Variants in DCUN1D1 observed in about 807,000 individuals in gnomAD.
DCUN1D1 encodes the protein DCN1-like protein 1.
DCUN1D1 carries 3 observed loss-of-function variants against 39.0 expected under a neutral mutation model. That is an observed-to-expected ratio of 0.08 (90% confidence interval 0.04 to 0.20). The LOEUF is 0.20. DCUN1D1 is among the 10% of genes least tolerant of loss of function. The probability of loss-of-function intolerance (pLI) is 1.00; values close to 1 mark genes in which losing one functional copy is unlikely to be tolerated. For missense variants in DCUN1D1, 158 were observed against 302.4 expected, an observed-to-expected ratio of 0.52 and a Z score of 3.54; for synonymous variants, 82 against 96.3, an observed-to-expected ratio of 0.85 and a Z score of 0.87.
intron 3 of DCUN1D1, among the ~76,000 whole-genome samples, chr3:182,963,226 A>C (rs1256955935): frequency 6.6e-6 from 1 of 152,202 alleles, no homozygotes; most frequent in African/African-American, 2.4e-5. Context: ...AACTATTCTC[A>C]AAAAGTTGCT....
chr3:182,980,419 CG>C, intron 1 of DCUN1D1, 67 bp downstream of exon 1: 1 of 1,011,620 alleles, frequency 9.9e-7, no homozygotes, highest in Non-Finnish European at 1.2e-6. Flanking sequence ...GGAGGGCGGC[CG>C]GGGCGGGGGT....
intron 1 of DCUN1D1, among the ~76,000 whole-genome samples, chr3:182,968,758 C>A (rs572565817): frequency 3.3e-5 from 5 of 152,216 alleles, no homozygotes; most frequent in Admixed American, 3.3e-4. Flanking sequence ...CACTGCTGCG[C>A]CCAGCTGATT....
chr3:182,984,825 A>C (rs150130192), upstream of DCUN1D1, among the ~76,000 whole-genome samples: 24 of 152,348 alleles, frequency 1.6e-4, no homozygotes, highest in East Asian at 4.2e-3. Flanking sequence ...AAAGAGCAGA[A>C]GTAATCTGAA....
Position 182,958,230 on chromosome 3 carries a change from CA to C in DCUN1D1, c.520+2995del, listed in dbSNP as rs938404288. On this transcript the variant is annotated intron_variant, in intron 4 of 6. Transcript: ENST00000292782. ...TACCTAACACCAAAGCAAAACAAAC[CA>C]AAAAAAAAAACTATGATTTGTCTCT... Among the ~76,000 whole-genome samples, 87 of 140,990 alleles carry C rather than the reference CA, an allele frequency of 6.2e-4. No homozygotes were observed. The East Asian group carries it at 0.012, about 20-fold the overall frequency. The allele number at this position is 140,990 out of a possible 152,430, so 92.5% of individuals were successfully genotyped here.
intron 4 of DCUN1D1, among the ~76,000 whole-genome samples, chr3:182,947,968 C>T (rs1286169093): frequency 6.6e-6 from 1 of 152,222 alleles, no homozygotes; most frequent in African/African-American, 2.4e-5. Flanking sequence ...AACCTGGGCA[C>T]TTCCAACATT....
At chr3:182,975,468 G>A (rs1292055261) in intron 1 of DCUN1D1, among the ~76,000 whole-genome samples, 10 of 151,708 alleles carry the variant, frequency 6.6e-5, no homozygotes, top group East Asian at 3.9e-4. Context: ...GAGCCACCGC[G>A]CCCAGCCAAA....
chr3:182,952,388 TTTTCATGTTATA>T (rs1385058684), intron 4 of DCUN1D1, among the ~76,000 whole-genome samples: 1 of 152,142 alleles, frequency 6.6e-6, no homozygotes, highest in Admixed American at 6.5e-5. Flanking sequence ...CCTATATCAT[TTTTCATGTTATA>T]CATTCAACCG....
chr3:182,949,724 AACAAC>A (rs939687404), intron 4 of DCUN1D1, among the ~76,000 whole-genome samples: 1 of 152,140 alleles, frequency 6.6e-6, no homozygotes, highest in African/African-American at 2.4e-5. Context: ...CTTAAAAACA[AACAAC>A]ACAACAACAT....
chr3:182,959,899 T>C (rs1286848255), intron 4 of DCUN1D1, among the ~76,000 whole-genome samples: 1 of 152,166 alleles, frequency 6.6e-6, no homozygotes, highest in African/African-American at 2.4e-5. Context: ...AATGGATTAG[T>C]TCCTGGAGTG....
intron 1 of DCUN1D1, among the ~76,000 whole-genome samples, chr3:182,975,930 T>C (rs577556894): frequency 9.0e-4 from 136 of 150,730 alleles, no homozygotes; most frequent in African/African-American, 3.2e-3. Context: ...CAATTGTAAA[T>C]TGTCTGACTA....
intron 4 of DCUN1D1, among the ~76,000 whole-genome samples, chr3:182,953,105 GCTT>G (rs1434483251): frequency 1.3e-5 from 2 of 152,102 alleles, no homozygotes; most frequent in Non-Finnish European, 2.9e-5. Context: ...ACCTGAAATG[GCTT>G]CTTTTTTCCT....
chr3:182,978,706 CACG>C (rs1282508365), intron 1 of DCUN1D1, among the ~76,000 whole-genome samples: 38 of 152,208 alleles, frequency 2.5e-4, no homozygotes, highest in Admixed American at 6.5e-5. Flanking sequence ...CAGAGAATAT[CACG>C]ACAATTCTCA....
intron 3 of DCUN1D1, among the ~76,000 whole-genome samples, 179 bp downstream of exon 3, chr3:182,963,702 T>C (rs957825986): frequency 6.6e-6 from 1 of 152,222 alleles, no homozygotes; most frequent in African/African-American, 2.4e-5. Flanking sequence ...CTGTACTAAC[T>C]ATATAAATAA....
intron 4 of DCUN1D1, among the ~76,000 whole-genome samples, chr3:182,949,700 G>A (rs937941629): frequency 1.3e-5 from 2 of 152,162 alleles, no homozygotes; most frequent in African/African-American, 4.8e-5. Context: ...CAGCCTGGGT[G>A]ACAGGTGACA....
At chr3:182,971,894 T>C (rs371996161) in intron 1 of DCUN1D1, among the ~76,000 whole-genome samples, 8 of 152,272 alleles carry the variant, frequency 5.3e-5, no homozygotes, top group African/African-American at 1.9e-4. Context: ...CCACTGACTG[T>C]TGAAGGGAGG....
At chr3:182,951,623 A>ACC (rs1165017844) in intron 4 of DCUN1D1, among the ~76,000 whole-genome samples, 9 of 132,576 alleles carry the variant, frequency 6.8e-5, no homozygotes, top group African/African-American at 3.3e-4. Context: ...CTCCCAAAAA[A>ACC]AAAAAAAAAA....
intron 4 of DCUN1D1, among the ~76,000 whole-genome samples, chr3:182,954,991 ATCTTTTGTG>A (rs1726957051): frequency 6.6e-6 from 1 of 150,558 alleles, no homozygotes; most frequent in Non-Finnish European, 1.5e-5. Context: ...ATTTCACAGT[ATCTTTTGTG>A]AAATAGTCAG....
rs1374887947 is a variant in DCUN1D1, at chr3:182,963,815, A to G, written c.389+66T>C. On this transcript the variant is annotated intron_variant, in intron 3 of 6. Transcript: ENST00000292782. ...CAGCAAATCTTTAAATTTACACTAA[A>G]AAGTTCATGACATAATTCAGTTCCA... is the stretch of plus-strand genomic sequence containing the variant. 3.0e-6 allele frequency: 4 copies of G among 1,354,782 alleles called. No homozygotes were observed. In the East Asian group the frequency reaches 6.9e-5, roughly 24 times the overall value. 83.9% of individuals were successfully genotyped at this position (1,354,782 alleles called of 1,614,324 possible). A position where few individuals can be genotyped will look rare whatever the true frequency, so the allele number is the denominator to read the frequency against.
At chr3:182,974,754 A>T (rs1728126484) in intron 1 of DCUN1D1, among the ~76,000 whole-genome samples, 1 of 114,832 alleles carries the variant, frequency 8.7e-6, no homozygotes, top group Admixed American at 9.5e-5. Context: ...TCAAAAGTAT[A>T]ATAGACTTTA....
Sources: allele counts gnomAD v4.1 joint callset (sites outside exome capture counted in the v4.1 genomes callset), GRCh38; gene constraint gnomAD v4.1.1; transcripts MANE v1.5; gene names NCBI Gene and HGNC (gene_info 2026-07-23, HGNC 2026-07-21).